The following LRMDA variants were observed in gnomAD, a reference collection of about 807,000 sequenced individuals.
LRMDA encodes leucine-rich melanocyte differentiation-associated protein.
A neutral mutation model predicts 29.8 loss-of-function variants in LRMDA; 18 were observed. The ratio of observed to expected loss-of-function variants is 0.60; its 90% CI spans 0.42 to 0.90. LRMDA has a LOEUF of 0.90. Ranked by LOEUF, LRMDA falls within the 40% of genes least tolerant of loss-of-function variation. The pLI, the probability that LRMDA is intolerant of heterozygous loss-of-function variation, is 0.00. For synonymous variants in LRMDA, 125 were observed against 109.4 expected, an observed-to-expected ratio of 1.14 and a Z score of -0.89; for missense variants, 273 against 273.9, an observed-to-expected ratio of 1.00 and a Z score of 0.02.
intron 5 of LRMDA, among the ~76,000 whole-genome samples, chr10:76,115,010 A>G (rs564187958): frequency 5.3e-5 from 8 of 152,306 alleles, no homozygotes; most frequent in African/African-American, 1.9e-4. Context: ...TCTGGAAAGC[A>G]TTCGTAAAGG....
chr10:76,224,563 C>A (rs1480155774), intron 5 of LRMDA, among the ~76,000 whole-genome samples: 3 of 151,454 alleles, frequency 2.0e-5, no homozygotes. Flanking sequence ...CAGAGCCAGA[C>A]CCTGTCTCAA....
chr10:76,223,577 C>T (rs1373538029), intron 5 of LRMDA, among the ~76,000 whole-genome samples: 2 of 152,040 alleles, frequency 1.3e-5, no homozygotes, highest in African/African-American at 4.8e-5. Context: ...AGGGTGGAGC[C>T]CTCATAAATG....
intron 2 of LRMDA, among the ~76,000 whole-genome samples, chr10:75,848,817 C>G (rs895168482): frequency 6.6e-6 from 1 of 152,184 alleles, no homozygotes; most frequent in Non-Finnish European, 1.5e-5. Flanking sequence ...TCTGGCACAT[C>G]CTCTTTTCTC....
At chr10:75,713,340 G>A (rs941119969) in intron 2 of LRMDA, among the ~76,000 whole-genome samples, 2 of 152,172 alleles carry the variant, frequency 1.3e-5, no homozygotes, top group African/African-American at 4.8e-5. Flanking sequence ...TGGTTGAAAA[G>A]CTATGAGAGA....
chr10:75,625,443 CA>C (rs1031071128), intron 2 of LRMDA, among the ~76,000 whole-genome samples: 6 of 152,110 alleles, frequency 3.9e-5, no homozygotes, highest in Non-Finnish European at 7.3e-5. Context: ...TACTGCATCT[CA>C]GAATGAGATA....
At chr10:75,916,287 C>G (rs1845933471) in intron 2 of LRMDA, among the ~76,000 whole-genome samples, 1 of 151,950 alleles carries the variant, frequency 6.6e-6, no homozygotes, top group African/African-American at 2.4e-5. Flanking sequence ...ACCAAGGAGG[C>G]TAAGCAGTGG....
rs150671902 is a variant in LRMDA at position 75,593,744 on chromosome 10, G to A, written c.131+155250G>A. 4.3e-4 allele frequency among the ~76,000 whole-genome samples: 66 copies of A among 152,194 alleles called. 1 individual carries two copies. The highest frequency in any genetic ancestry group is 1.5e-3 in the African/African-American group (63 of 41,534). On this transcript the variant is annotated intron_variant, in intron 2 of 6. Coordinates refer to ENST00000611255, the MANE Select transcript of LRMDA (RefSeq NM_001305581.2). ...ATTTACTGATTCCATGGAAGTTCAC[G>A]TCAGGGGCTATGTGGATCCTGTCGC... is the stretch of plus-strand genomic sequence containing the variant.
chr10:75,508,045 T>C (rs906403171), intron 2 of LRMDA, among the ~76,000 whole-genome samples: 1 of 152,232 alleles, frequency 6.6e-6, no homozygotes, highest in Non-Finnish European at 1.5e-5. Flanking sequence ...CGTAACTCTT[T>C]CGCTGTCTAG....
chr10:76,050,862 C>T lies in LRMDA; in HGVS notation c.398+3559C>T, dbSNP rs141333634. Among the ~76,000 whole-genome samples the T allele has an allele frequency of 2.2e-3, 328 of 152,208 alleles. 2 individuals are homozygous for T. Among genetic ancestry groups the T allele is most frequent in the African/African-American group, 7.4e-3 (308 of 41,526 alleles). On this transcript the variant is annotated intron_variant, in intron 4 of 6. Transcript: ENST00000611255. Reference sequence around the variant, plus strand: ...ACTTGAAGGTTAACAGTAGACAAGTCTGGACTTCACCTTTCAAATAAGGGA... The same window carrying T: ...ACTTGAAGGTTAACAGTAGACAAGTTTGGACTTCACCTTTCAAATAAGGGA...
intron 6 of LRMDA, among the ~76,000 whole-genome samples, chr10:76,423,029 A>G (rs1028816826): frequency 2.6e-5 from 4 of 152,260 alleles, no homozygotes; most frequent in African/African-American, 9.6e-5. Flanking sequence ...AATAATGGTC[A>G]AGATGCAAAA....
At chr10:75,675,433 T>A (rs772283930) in intron 2 of LRMDA, among the ~76,000 whole-genome samples, 1 of 152,196 alleles carries the variant, frequency 6.6e-6, no homozygotes. Context: ...GACCTGAGAC[T>A]TGACACAAGT....
At chr10:76,540,996 T>G (rs1226298854) in intron 6 of LRMDA, among the ~76,000 whole-genome samples, 2 of 152,186 alleles carry the variant, frequency 1.3e-5, no homozygotes, top group Admixed American at 6.5e-5. Context: ...TCATATAGTA[T>G]CCAGTCCTAG....
At chr10:75,504,637 C>T (rs1032534892) in intron 2 of LRMDA, among the ~76,000 whole-genome samples, 2 of 151,950 alleles carry the variant, frequency 1.3e-5, no homozygotes, top group African/African-American at 4.8e-5. Context: ...ATAGGTAGGA[C>T]TTATCTCAAC....
chr10:75,963,541 G>A (rs1846804521), intron 2 of LRMDA, among the ~76,000 whole-genome samples: 1 of 152,214 alleles, frequency 6.6e-6, no homozygotes, highest in African/African-American at 2.4e-5. Context: ...TGCCCATGCA[G>A]TCTATGCAAA....
chr10:76,272,662 C>T (rs997020943), intron 5 of LRMDA, among the ~76,000 whole-genome samples: 1 of 152,126 alleles, frequency 6.6e-6, no homozygotes, highest in African/African-American at 2.4e-5. Flanking sequence ...GTCTGGAGGC[C>T]TGTATTAGTT....
chr10:75,934,821 C>G (rs959701083), intron 2 of LRMDA, among the ~76,000 whole-genome samples: 1 of 152,174 alleles, frequency 6.6e-6, no homozygotes, highest in African/African-American at 2.4e-5. Context: ...TTGGGTTGCT[C>G]CCTTTTTCTT....
rs55915555 is a variant in LRMDA at position 75,477,151 on chromosome 10, G to A, written c.131+38657G>A. Among the ~76,000 whole-genome samples, 834 of 152,150 alleles carry A rather than the reference G, an allele frequency of 5.5e-3. 3 individuals carry two copies. Among genetic ancestry groups the A allele is most frequent in the Non-Finnish European group, 9.3e-3 (632 of 67,996 alleles). ...GACTACAGGTGTATACCATCACCTA[G>A]CTAATTTTTTTAGAGATGGGGTCTT... is the stretch of plus-strand genomic sequence containing the variant. On this transcript the variant is annotated intron_variant, in intron 2 of 6. Transcript: ENST00000611255.
intron 5 of LRMDA, among the ~76,000 whole-genome samples, chr10:76,267,142 G>A (rs1423234535): frequency 6.6e-6 from 1 of 152,026 alleles, no homozygotes; most frequent in African/African-American, 2.4e-5. Flanking sequence ...ATTTCCACAG[G>A]TCACCATATG....
chr10:75,631,704 G>T (rs1841326135), intron 2 of LRMDA, among the ~76,000 whole-genome samples: 1 of 152,180 alleles, frequency 6.6e-6, no homozygotes, highest in African/African-American at 2.4e-5. Context: ...GCGCCACAGT[G>T]AAGTGGGCCT....
Sources: allele counts gnomAD v4.1 joint callset (sites outside exome capture counted in the v4.1 genomes callset), GRCh38; gene constraint gnomAD v4.1.1; transcripts MANE v1.5; gene names NCBI Gene and HGNC (gene_info 2026-07-23, HGNC 2026-07-21).